TGFB2: variants seen among roughly 807,000 people sequenced by gnomAD.
The protein encoded by TGFB2 is transforming growth factor beta 2, also known as transforming growth factor beta-2 proprotein.
Under a neutral mutation model 42.7 loss-of-function variants are expected in TGFB2, and 13 were observed. The ratio of observed to expected loss-of-function variants is 0.30; its 90% CI spans 0.20 to 0.48. The LOEUF is 0.48. Among genes scored for constraint, TGFB2 ranks in the 20% least tolerant of loss-of-function variants. The pLI, the probability that TGFB2 is intolerant of heterozygous loss-of-function variation, is 0.99. For missense variants in TGFB2, 390 were observed against 517.5 expected (o/e 0.75, Z 2.39); for synonymous variants, 193 against 193.6 (o/e 1.00, Z 0.03).
At chr1:218,372,033 C>T (rs1032097634) in intron 1 of TGFB2, among the ~76,000 whole-genome samples, 7 of 152,116 alleles carry the variant, frequency 4.6e-5, no homozygotes, top group African/African-American at 1.2e-4. Context: ...CTGCTCTGAC[C>T]GTCCCTGAGC....
At chr1:218,406,293 C>T (rs149483697) in intron 2 of TGFB2, among the ~76,000 whole-genome samples, 5 of 151,944 alleles carry the variant, frequency 3.3e-5, no homozygotes, top group African/African-American at 7.2e-5. Flanking sequence ...TGGGCAGCTG[C>T]GTCAAAATGT....
intron 2 of TGFB2, among the ~76,000 whole-genome samples, chr1:218,425,021 C>T (rs1164329562): frequency 6.6e-6 from 1 of 152,192 alleles, no homozygotes. Context: ...GGGAAGCCAC[C>T]TCTTGTGACT....
intron 1 of TGFB2, 88 bp downstream of exon 1, chr1:218,347,135 C>G: frequency 1.6e-6 from 2 of 1,273,656 alleles, no homozygotes; most frequent in South Asian, 2.7e-5. Context: ...TCGCCCTTCC[C>G]TCTCGCGGTT....
chr1:218,398,652 A>G (rs1300725915), intron 1 of TGFB2, among the ~76,000 whole-genome samples: 4 of 151,572 alleles, frequency 2.6e-5, no homozygotes, highest in Admixed American at 1.3e-4. Flanking sequence ...CAGTGGTGCA[A>G]TCTCGGCTCG....
In TGFB2 at chr1:218,345,712, G is replaced by A. The variant is rs1252466143; in HGVS notation, c.-990G>A. On this transcript the variant is annotated 5_prime_UTR_variant, in exon 1 of 7. In the 5' UTR this introduces an upstream ATG that the reference lacks. Coordinates refer to ENST00000366930, the MANE Select transcript of TGFB2 (RefSeq NM_003238.6). ...TCAGGAATAAAACTCCCCAGCCAGG[G>A]TGTCGCAAGGGCTGCCGTTGTGATC... 1.3e-5 allele frequency: 2 copies of A among 152,464 alleles called. No homozygotes were observed. Among genetic ancestry groups the A allele is most frequent in the African/African-American group, 4.8e-5 (2 of 41,466 alleles). 9.4% of individuals were successfully genotyped at this position (152,464 alleles called of 1,614,324 possible).
intron 1 of TGFB2, among the ~76,000 whole-genome samples, chr1:218,373,133 G>A (rs1324418171): frequency 3.9e-5 from 6 of 152,238 alleles, no homozygotes; most frequent in South Asian, 4.1e-4. Context: ...AGCTGAGATC[G>A]CGCCACTGCA....
chr1:218,378,939 G>T (rs1657851435), intron 1 of TGFB2, among the ~76,000 whole-genome samples: 1 of 151,954 alleles, frequency 6.6e-6, no homozygotes, highest in Non-Finnish European at 1.5e-5. Flanking sequence ...CTGGGTCTGT[G>T]GCTATTACCC....
intron 1 of TGFB2, among the ~76,000 whole-genome samples, chr1:218,398,172 A>T (rs1292499567): frequency 6.6e-6 from 1 of 152,270 alleles, no homozygotes; most frequent in Non-Finnish European, 1.5e-5. Context: ...TCAAACTTTG[A>T]TGAAATGGTG....
At position 218,432,859 on chromosome 1, in the gene TGFB2, C is replaced by T. The variant is rs191600995; in HGVS notation, c.511-1223C>T. Among the ~76,000 whole-genome samples, 710 of 152,216 alleles carry T rather than the reference C, an allele frequency of 4.7e-3. 12 individuals are homozygous for T. The highest frequency in any genetic ancestry group is 0.016 in the African/African-American group (682 of 41,538). On this transcript the variant is annotated intron_variant, in intron 2 of 6. Coordinates refer to ENST00000366930, the MANE Select transcript of TGFB2 (RefSeq NM_003238.6). Reference sequence around the variant, plus strand: ...AAATGACAGCTTGAACCCCTAAGTACTGAGGAAAGGCAGCATACAGGGTTT... The same window carrying T: ...AAATGACAGCTTGAACCCCTAAGTATTGAGGAAAGGCAGCATACAGGGTTT...
chr1:218,372,293 T>C lies in TGFB2; in HGVS notation c.346+25246T>C, dbSNP rs781422016. Among the ~76,000 whole-genome samples, 45 of 152,178 alleles carry C rather than the reference T, an allele frequency of 3.0e-4. 1 individual carries two copies. The highest frequency in any genetic ancestry group is 5.9e-5 in the Non-Finnish European group (4 of 68,034). On this transcript the variant is annotated intron_variant, in intron 1 of 6. Coordinates refer to ENST00000366930, the MANE Select transcript of TGFB2 (RefSeq NM_003238.6). ...CTTTGTCAACCGACTGGAGTCTAAA[T>C]TGGTTTTGGATCCCTCTGAAATCTA...
intron 2 of TGFB2, among the ~76,000 whole-genome samples, chr1:218,418,193 G>C (rs1659342396): frequency 6.6e-6 from 1 of 152,214 alleles, no homozygotes; most frequent in Admixed American, 6.5e-5. Flanking sequence ...AGCCAAGAGG[G>C]GGGCTATACC....
chr1:218,367,207 T>A (rs1657414352), intron 1 of TGFB2, among the ~76,000 whole-genome samples: 1 of 152,158 alleles, frequency 6.6e-6, no homozygotes, highest in Non-Finnish European at 1.5e-5. Context: ...AGGTAATATG[T>A]AATTCCCTGA....
intron 1 of TGFB2, among the ~76,000 whole-genome samples, chr1:218,399,110 A>G (rs1461694189): frequency 5.3e-5 from 8 of 151,964 alleles, no homozygotes; most frequent in Non-Finnish European, 1.0e-4. Flanking sequence ...GCTGGTCTCA[A>G]ACTCCTAGCC....
intron 1 of TGFB2, among the ~76,000 whole-genome samples, chr1:218,359,100 A>C (rs961597024): frequency 6.6e-6 from 1 of 152,054 alleles, no homozygotes; most frequent in Non-Finnish European, 1.5e-5. Flanking sequence ...GAAGGAGTGC[A>C]CCAAACCTCT....
intron 1 of TGFB2, among the ~76,000 whole-genome samples, chr1:218,365,931 C>G (rs1192495318): frequency 6.6e-6 from 1 of 152,194 alleles, no homozygotes; most frequent in East Asian, 1.9e-4. Flanking sequence ...TTTTCTCACT[C>G]TAACCTGGGT....
At chr1:218,347,547 C>A (rs1009654756) in intron 1 of TGFB2, among the ~76,000 whole-genome samples, 1 of 152,194 alleles carries the variant, frequency 6.6e-6, no homozygotes, top group Non-Finnish European at 1.5e-5. Context: ...TTCCCCAAGC[C>A]TTCTCTATTG....
At chr1:218,386,107 C>T (rs1445749272) in intron 1 of TGFB2, among the ~76,000 whole-genome samples, 1 of 152,166 alleles carries the variant, frequency 6.6e-6, no homozygotes, top group African/African-American at 2.4e-5. Context: ...TTATCACCCC[C>T]ACCCCATCCT....
At chr1:218,422,223 T>C (rs1223813894) in intron 2 of TGFB2, among the ~76,000 whole-genome samples, 1 of 150,528 alleles carries the variant, frequency 6.6e-6, no homozygotes, top group Non-Finnish European at 1.5e-5. Context: ...TTTTGTTTTC[T>C]TTTTTTTTGT....
chr1:218,366,913 GC>G (rs1657405832), intron 1 of TGFB2, among the ~76,000 whole-genome samples: 1 of 152,192 alleles, frequency 6.6e-6, no homozygotes, highest in African/African-American at 2.4e-5. Context: ...TGAACCTACA[GC>G]CCCTGTGGAG....
Sources: gnomAD v4.1 joint callset for allele counts (sites outside exome capture counted in the v4.1 genomes callset) on GRCh38, gnomAD v4.1.1 for gene constraint, MANE v1.5 for transcripts, NCBI Gene and HGNC (gene_info 2026-07-23, HGNC 2026-07-21) for gene names.